The following PIGO variants were observed in gnomAD, a reference collection of about 807,000 sequenced individuals.
PIGO encodes the protein phosphatidylinositol glycan anchor biosynthesis class O.
PIGO carries 66 observed loss-of-function variants against 86.9 expected under a neutral mutation model. The observed-to-expected ratio is 0.76, with a 90% CI of 0.62 to 0.93. The LOEUF (loss-of-function observed/expected upper bound fraction) is 0.93. PIGO is among the 40% of genes least tolerant of loss of function. PIGO has a pLI of 0.00. For missense variants in PIGO, 1,202 were observed against 1,359.1 expected (o/e 0.88, Z 1.82); for synonymous variants, 570 against 556.4 (o/e 1.02, Z -0.34).
In PIGO at chr9:35,091,443, G is replaced by A. The variant is rs1829410244; in HGVS notation, c.2444C>T (p.Thr815Ile). 6.2e-7 allele frequency: 1 copy of A among 1,614,200 alleles called. No homozygotes were observed. Among genetic ancestry groups the A allele is most frequent in the Non-Finnish European group, 8.5e-7 (1 of 1,180,028 alleles). ...QEEFRGRLER[T>I]KSQGPLTVAA... ...CACAGTCAGGGGACCCTGAGATTTGGTCCTCTCTAACCGGCCCCGGAACTC... is the reference window on the plus strand; with the variant it reads ...CACAGTCAGGGGACCCTGAGATTTGATCCTCTCTAACCGGCCCCGGAACTC... The change falls in exon 7 of 11, where the codon ACC becomes ATC. Residue 815 changes from threonine (T) to isoleucine (I), a missense_variant. Physicochemically the swap from Thr to Ile is moderately conservative, Grantham distance 89. Coordinates refer to ENST00000378617, the MANE Select transcript of PIGO (RefSeq NM_032634.4).
At chr9:35,093,363 G>A in intron 5 of PIGO, 58 bp downstream of exon 5, 2 of 1,609,552 alleles carry the variant, frequency 1.2e-6, no homozygotes, top group Non-Finnish European at 1.7e-6. Flanking sequence ...TGAGGATGCT[G>A]TAATGGTAAC....
chr9:35,091,461 C>G lies in PIGO; in HGVS notation c.2426G>C (p.Arg809Pro). The G allele has an allele frequency of 6.2e-7, 1 of 1,614,202 alleles. No homozygotes were observed. The highest frequency in any genetic ancestry group is 1.3e-5 in the African/African-American group (1 of 75,070). The stretch of plus-strand genomic sequence containing the variant: ...AGATTTGGTCCTCTCTAACCGGCCC[C>G]GGAACTCCTCCTGCATGTGTCGGTA... ...QIYRHMQEEFRGRLERTKSQG... is the reference protein window; with the variant it reads ...QIYRHMQEEFPGRLERTKSQG... Residue 809 changes from arginine (R) to proline (P), a missense_variant, in exon 7 of 11, where the codon CGG (arginine) becomes CCG (proline). Arg to Pro is a moderately radical substitution (Grantham distance 103, BLOSUM62 -2). Transcript: ENST00000378617.
chr9:35,091,968 C>A lies in PIGO; in HGVS notation c.1919G>T (p.Arg640Leu), dbSNP rs918368312. 4 of 1,614,190 alleles carry A rather than the reference C, an allele frequency of 2.5e-6. No homozygotes were observed. The highest frequency in any genetic ancestry group is 3.4e-6 in the Non-Finnish European group (4 of 1,180,040). ...GCAAACAGGTGTCTCTTCAGGGCAA[C>A]GATGAAAAAGCCCAGCTAGCCTTGT... The part of the protein sequence containing the change: ...LCTRLAGLFH[R>L]CPEETPVCHS... Residue 640 changes from arginine (R) to leucine (L), a missense_variant, in exon 7 of 11, where the codon CGT becomes CTT. Arg to Leu is a moderately radical substitution (Grantham distance 102). Coordinates refer to ENST00000378617, the MANE Select transcript of PIGO (RefSeq NM_032634.4).
At position 35,089,088 on chromosome 9, in the gene PIGO, T is replaced by G. The variant is rs1829297962; in HGVS notation, c.*4A>C. ...TAGCCAAGTGCCAGTAATCACAGAC[T>G]AGGCTACCTCTGCTGGGCCAGAAAT... is the stretch of plus-strand genomic sequence containing the variant. On this transcript the variant is annotated 3_prime_UTR_variant, in exon 11 of 11. Coordinates refer to ENST00000378617, the MANE Select transcript of PIGO (RefSeq NM_032634.4). 6.2e-7 allele frequency: 1 copy of G among 1,614,006 alleles called. No individual in the cohort carries two copies. The highest frequency in any genetic ancestry group is 1.3e-5 in the African/African-American group (1 of 74,912).
intron 7 of PIGO, 109 bp from the exon 8 acceptor site, chr9:35,090,781 C>A: frequency 1.8e-6 from 2 of 1,100,820 alleles, no homozygotes; most frequent in Non-Finnish European, 1.3e-6. Context: ...CTCATACACA[C>A]TCAAATGCCT....
rs1829625673 is a variant in PIGO, at chr9:35,095,401, T to C, written c.165A>G (p.Gln55=). The part of the protein sequence containing the change: ...PGPGSLPWGS[Q]GKPGACWMAS... ...CCATCCAGCAGGCCCCAGGTTTCCC[T>C]TGGCTCCCCCATGGCAGGGACCCAG... The change falls in exon 2 of 11, where the codon CAA becomes CAG. Residue 55 remains glutamine, a synonymous_variant. Coordinates refer to ENST00000378617, the MANE Select transcript of PIGO (RefSeq NM_032634.4). 2 of 1,614,140 alleles carry C rather than the reference T, an allele frequency of 1.2e-6. No individual in the cohort carries two copies. The highest frequency in any genetic ancestry group is 1.3e-5 in the African/African-American group (1 of 75,048).
rs868398793 is a variant in PIGO at position 35,088,836 on chromosome 9, C to T, written c.*256G>A. ...CTGGGATTATAGGTGCAAGTCACCA[C>T]GCCCGGCCTATTTTATTCCACTTCG... On this transcript the variant is annotated 3_prime_UTR_variant, in exon 11 of 11. Coordinates refer to ENST00000378617, the MANE Select transcript of PIGO (RefSeq NM_032634.4). 82 of 406,414 alleles carry T rather than the reference C, an allele frequency of 2.0e-4. 1 individual carries two copies. Among genetic ancestry groups the T allele is most frequent in the African/African-American group, 1.3e-3 (63 of 49,542 alleles). 25.2% of individuals were successfully genotyped at this position (406,414 alleles called of 1,614,324 possible).
At position 35,092,693 on chromosome 9, in the gene PIGO, GT is replaced by G; in HGVS notation, c.1193del (p.Asn398ThrfsTer27). ...AGTCAGCAGAGGCCTTGGAGAAGAG[GT>G]TCTGCAGCTGATGAAGCTCCTTAGC... The part of the protein sequence containing the change: ...LQAKELHQLQ[N>X]LFSKASADYQ... On this transcript the variant is annotated frameshift_variant, in exon 7 of 11. Transcript: ENST00000378617. LOFTEE classifies it high-confidence loss of function. 6.2e-7 allele frequency: 1 copy of G among 1,614,112 alleles called. No individual in the cohort carries two copies. Among genetic ancestry groups the G allele is most frequent in the Non-Finnish European group, 8.5e-7 (1 of 1,180,010 alleles).
At position 35,093,093 on chromosome 9, in the gene PIGO, C is replaced by T; in HGVS notation, c.1056G>A (p.Glu352=). 1 of 1,614,156 alleles carries T rather than the reference C, an allele frequency of 6.2e-7. No individual in the cohort carries two copies. The highest frequency in any genetic ancestry group is 8.5e-7 in the Non-Finnish European group (1 of 1,180,014). ...EVMAELFSGG[E]DSQPHSSALA... is the part of the protein sequence containing the mutation. The stretch of plus-strand genomic sequence containing the variant: ...AAGCAGAGGAGTGGGGCTGGGAGTC[C>T]TCACCCCCTGAGAATAGCTCAGCCA... The change falls in exon 6 of 11, where the codon GAG becomes GAA. Residue 352 remains glutamate, a synonymous_variant. Coordinates refer to ENST00000378617, the MANE Select transcript of PIGO (RefSeq NM_032634.4).
In PIGO at chr9:35,090,460, G is replaced by C; in HGVS notation, c.2854+6C>G. 1 of 1,606,232 alleles carries C rather than the reference G, an allele frequency of 6.2e-7. No homozygotes were observed. Among genetic ancestry groups the C allele is most frequent in the South Asian group, 1.1e-5 (1 of 90,692 alleles). ...CAATGGAAGCAAGTGAAGGAGGAGG[G>C]GGTACCTGCAAAGAGGAGGTGGGAG... On this transcript the variant is annotated splice_donor_region_variant and intron_variant, in intron 8 of 10. Transcript: ENST00000378617.
intron 1 of PIGO, 154 bp from the exon 2 acceptor site, chr9:35,095,720 C>T: frequency 9.7e-7 from 1 of 1,033,080 alleles, no homozygotes; most frequent in Non-Finnish European, 1.3e-6. Flanking sequence ...TATTACTCTC[C>T]TCCTATTTCC....
rs201481510 is a variant in PIGO at position 35,091,324 on chromosome 9, T to C, written c.2563A>G (p.Ile855Val). ...AACAGAAGCAGGAACACAAGGCTGA[T>C]GCGCTCCGCATGCAACAGCAGAAGT... ...FPLLLLHAERISLVFLLLFLQ... is the reference protein window; with the variant it reads ...FPLLLLHAERVSLVFLLLFLQ... The change falls in exon 7 of 11, where the codon ATC becomes GTC. Residue 855 changes from isoleucine to valine, a missense_variant. Physicochemically the swap from Ile to Val is conservative, Grantham distance 29. Transcript: ENST00000378617. The C allele has an allele frequency of 1.6e-4, 256 of 1,614,062 alleles. 1 individual carries two copies. The highest frequency in any genetic ancestry group is 7.6e-6 in the Non-Finnish European group (9 of 1,180,030).
At position 35,092,615 on chromosome 9, in the gene PIGO, C is replaced by CA. The variant is rs769635907; in HGVS notation, c.1271dup (p.Ile425AspfsTer3). The stretch of plus-strand genomic sequence containing the variant: ...GCAGGAACTGCTGCAGCTCAGCAAT[C>CA]ACAGTCGGCAGTGTCGCCTCAGCCC... On this transcript the variant is annotated frameshift_variant, in exon 7 of 11. Transcript: ENST00000378617. LOFTEE classifies it high-confidence loss of function. 12 of 1,614,264 alleles carry CA rather than the reference C, an allele frequency of 7.4e-6. No homozygotes were observed. Among genetic ancestry groups the CA allele is most frequent in the Non-Finnish European group, 1.0e-5 (12 of 1,180,050 alleles).
Position 35,093,063 on chromosome 9 carries a change from G to C in PIGO, c.1086C>G (p.Ala362=), listed in dbSNP as rs1024235075. The change falls in exon 6 of 11, where the codon GCC becomes GCG. Residue 362 remains alanine (A), a synonymous_variant. Transcript: ENST00000378617. The stretch of plus-strand genomic sequence containing the variant: ...CATTGAGATGGAGAGCTGAGGCTTG[G>C]GCTAAAGCAGAGGAGTGGGGCTGGG... ...EDSQPHSSAL[A]QASALHLNAQ... The C allele has an allele frequency of 3.1e-6, 5 of 1,613,514 alleles. No individual in the cohort carries two copies. The African/African-American group carries it at 6.7e-5, about 22-fold the overall frequency.
At position 35,093,983 on chromosome 9, in the gene PIGO, C is replaced by G. The variant is rs1269534118; in HGVS notation, c.697G>C (p.Gly233Arg). 2 of 1,614,136 alleles carry G rather than the reference C, an allele frequency of 1.2e-6. No homozygotes were observed. Among genetic ancestry groups the G allele is most frequent in the Non-Finnish European group, 1.7e-6 (2 of 1,180,022 alleles). ...EWDVLIAHFL[G>R]VDHCGHKHGP... ...TGCTTGTGGCCACAGTGGTCCACAC[C>G]CAGGAAGTGAGCAATCAGCACGTCC... Residue 233 changes from glycine to arginine, a missense_variant, in exon 4 of 11, where the codon GGT (glycine) becomes CGT (arginine). Transcript: ENST00000378617.
intron 5 of PIGO, 99 bp downstream of exon 5, chr9:35,093,322 T>C (rs1829521132): frequency 6.3e-7 from 1 of 1,579,676 alleles, no homozygotes; most frequent in Admixed American, 1.7e-5. Context: ...CCCAGGATCA[T>C]GGATTTGGGG....
rs900857696 is a variant in PIGO at position 35,088,967 on chromosome 9, C to T, written c.*125G>A. The T allele has an allele frequency of 2.2e-6, 3 of 1,334,966 alleles. No homozygotes were observed. The highest frequency in any genetic ancestry group is 4.6e-5 in the East Asian group (2 of 43,114). 82.7% of individuals were successfully genotyped at this position (1,334,966 alleles called of 1,614,324 possible). A position where few individuals can be genotyped will look rare whatever the true frequency, so the allele number is the denominator to read the frequency against. ...TAATGAAGTCCTAGATGTCAGCGGC[C>T]CCTGGCTGCATGATAGTAAGAGTAT... On this transcript the variant is annotated 3_prime_UTR_variant, in exon 11 of 11. Transcript: ENST00000378617.
chr9:35,095,380 C>G lies in PIGO; in HGVS notation c.186G>C (p.Trp62Cys). The part of the protein sequence containing the change: ...WGSQGKPGAC[W>C]MASRFSRVVL... ...CAACCCGCGAAAATCGGGAAGCCAT[C>G]CAGCAGGCCCCAGGTTTCCCTTGGC... The change falls in exon 2 of 11, where the codon TGG becomes TGC. Residue 62 changes from tryptophan to cysteine, a missense_variant. Coordinates refer to ENST00000378617, the MANE Select transcript of PIGO (RefSeq NM_032634.4). 1 of 1,614,194 alleles carries G rather than the reference C, an allele frequency of 6.2e-7. No individual in the cohort carries two copies. The highest frequency in any genetic ancestry group is 1.3e-5 in the African/African-American group (1 of 75,062).
intron 3 of PIGO, 89 bp from the exon 4 acceptor site, chr9:35,094,113 C>T (rs931302025): frequency 1.3e-6 from 2 of 1,565,736 alleles, no homozygotes; most frequent in African/African-American, 2.7e-5. Flanking sequence ...TCCAGGGATA[C>T]AAGCCCAGGC....
Sources: allele counts gnomAD v4.1 joint callset, GRCh38; gene constraint gnomAD v4.1.1; transcripts MANE v1.5; gene names NCBI Gene and HGNC (gene_info 2026-07-23, HGNC 2026-07-21).